The following TAS2R1 variants were observed in gnomAD, a reference collection of about 807,000 sequenced individuals.
TAS2R1 encodes taste receptor type 2 member 1.
For missense variants in TAS2R1, 370 were observed against 353.4 expected (o/e 1.05, Z -0.38); for synonymous variants, 141 against 134.2 (o/e 1.05, Z -0.35).
At chr5:9,840,857 ATTTTTTTTTTTTTTTTTTTT>A in the TAS2R1 span, among the ~76,000 whole-genome samples, 7 of 132,104 alleles carry the variant, frequency 5.3e-5, no homozygotes, top group African/African-American at 2.0e-4. Flanking sequence ...TTATTTATTT[ATTTTTTTTTTTTTTTTTTTT>A]TTTTTTTTTT....
chr5:9,717,095 G>A (rs551469196), upstream of TAS2R1, among the ~76,000 whole-genome samples: 2 of 152,220 alleles, frequency 1.3e-5, no homozygotes, highest in East Asian at 3.9e-4. Flanking sequence ...ATAAACAGAG[G>A]GAGCAGAGGG....
upstream of TAS2R1, among the ~76,000 whole-genome samples, chr5:9,630,936 A>C (rs1447960801): frequency 1.3e-5 from 2 of 152,192 alleles, no homozygotes; most frequent in Non-Finnish European, 2.9e-5. Flanking sequence ...TGCTGCCTGT[A>C]ATGCTGAAGT....
chr5:9,895,390 C>A, the TAS2R1 span, among the ~76,000 whole-genome samples: 2 of 152,154 alleles, frequency 1.3e-5, no homozygotes, highest in Non-Finnish European at 2.9e-5. Flanking sequence ...ATGAAGGGAC[C>A]GCCATTGCCT....
At chr5:9,665,381 T>C (rs537291594) in intron 1 of TAS2R1, among the ~76,000 whole-genome samples, 4 of 152,366 alleles carry the variant, frequency 2.6e-5, no homozygotes, top group Admixed American at 2.6e-4. Flanking sequence ...CTCTTTTCCA[T>C]GTACAGTAAC....
At chr5:9,690,729 T>C (rs931484320) in intron 1 of TAS2R1, among the ~76,000 whole-genome samples, 2 of 151,952 alleles carry the variant, frequency 1.3e-5, no homozygotes, top group African/African-American at 4.8e-5. Flanking sequence ...CAGAAGATGC[T>C]TGCTGTGCAT....
chr5:9,684,281 A>G (rs538816935), intron 1 of TAS2R1, among the ~76,000 whole-genome samples: 1 of 152,358 alleles, frequency 6.6e-6, no homozygotes, highest in Non-Finnish European at 1.5e-5. Context: ...TATTGTGTTA[A>G]GTGAGTAAGT....
chr5:9,675,819 T>C (rs910885350), intron 1 of TAS2R1, among the ~76,000 whole-genome samples: 24 of 152,212 alleles, frequency 1.6e-4, no homozygotes, highest in African/African-American at 5.3e-4. Flanking sequence ...ATTTTACTTC[T>C]TCCTTCTAGA....
At chr5:9,798,095 A>C in the TAS2R1 span, among the ~76,000 whole-genome samples, 10 of 152,228 alleles carry the variant, frequency 6.6e-5, no homozygotes, top group Non-Finnish European at 1.5e-4. Context: ...AGCCTCAAAA[A>C]CATTAGGCTA....
At chr5:9,870,640 A>C in the TAS2R1 span, among the ~76,000 whole-genome samples, 1 of 152,222 alleles carries the variant, frequency 6.6e-6, no homozygotes, top group African/African-American at 2.4e-5. Context: ...AATGGCAAAC[A>C]TAGAAATAAA....
At chr5:9,640,057 C>G (rs1740041484) in intron 2 of TAS2R1, among the ~76,000 whole-genome samples, 2 of 152,164 alleles carry the variant, frequency 1.3e-5, no homozygotes, top group African/African-American at 4.8e-5. Flanking sequence ...GCCTTTCTCA[C>G]TAAGATTAAC....
the TAS2R1 span, among the ~76,000 whole-genome samples, chr5:9,877,425 G>T: frequency 3.3e-5 from 5 of 152,174 alleles, no homozygotes; most frequent in Non-Finnish European, 5.9e-5. Flanking sequence ...TTGCCCCTGT[G>T]AATGAAATTC....
the TAS2R1 span, among the ~76,000 whole-genome samples, chr5:9,878,616 T>G: frequency 6.6e-5 from 10 of 152,256 alleles, no homozygotes; most frequent in African/African-American, 2.4e-4. Context: ...ACTTCATTTT[T>G]CTTGGTTTGC....
chr5:9,754,126 C>A, the TAS2R1 span, among the ~76,000 whole-genome samples: 2 of 152,116 alleles, frequency 1.3e-5, no homozygotes, highest in African/African-American at 4.8e-5. Context: ...TAAACGTAAT[C>A]CAGCATATAA....
At chr5:9,755,577 A>G in the TAS2R1 span, among the ~76,000 whole-genome samples, 21 of 132,554 alleles carry the variant, frequency 1.6e-4, no homozygotes, top group African/African-American at 5.5e-4. Flanking sequence ...ACAGAGTGAG[A>G]CTCCATCTCC....
intron 1 of TAS2R1, among the ~76,000 whole-genome samples, chr5:9,685,859 TTTCG>T (rs1741113783): frequency 6.6e-6 from 1 of 152,094 alleles, no homozygotes; most frequent in Non-Finnish European, 1.5e-5. Context: ...GATTGTATCT[TTTCG>T]TTTGTTTGTT....
At chr5:9,691,740 G>A (rs1741253242) in intron 1 of TAS2R1, among the ~76,000 whole-genome samples, 1 of 152,150 alleles carries the variant, frequency 6.6e-6, no homozygotes, top group South Asian at 2.1e-4. Context: ...CATGTTACTT[G>A]GTAAAACAAA....
At chr5:9,898,021 C>T in the TAS2R1 span, among the ~76,000 whole-genome samples, 2 of 152,274 alleles carry the variant, frequency 1.3e-5, no homozygotes, top group African/African-American at 2.4e-5. Flanking sequence ...GGACTCACTT[C>T]GGAATTCTAA....
intron 1 of TAS2R1, among the ~76,000 whole-genome samples, chr5:9,663,678 T>G (rs1041173659): frequency 2.6e-5 from 4 of 152,228 alleles, no homozygotes; most frequent in African/African-American, 9.6e-5. Context: ...GTAGCAGTCC[T>G]TGTAAGGAGT....
chr5:9,813,019 C>A, the TAS2R1 span, among the ~76,000 whole-genome samples: 2 of 152,144 alleles, frequency 1.3e-5, no homozygotes, highest in African/African-American at 4.8e-5. Context: ...AAAATCCTAA[C>A]CCCTGTTGAG....
Sources: gnomAD v4.1 joint callset for allele counts (sites outside exome capture counted in the v4.1 genomes callset) on GRCh38, gnomAD v4.1.1 for gene constraint, MANE v1.5 for transcripts, NCBI Gene and HGNC (gene_info 2026-07-23, HGNC 2026-07-21) for gene names.